BMPR2: variants seen among roughly 807,000 people sequenced by gnomAD.
BMPR2 encodes the protein bone morphogenetic protein receptor type-2.
In BMPR2, 29 loss-of-function variants were observed where a neutral mutation model predicts 100.8. That is an observed-to-expected ratio of 0.29 (90% CI 0.21 to 0.39). The LOEUF is 0.39. Ranked by LOEUF, BMPR2 falls within the 10% of genes least tolerant of loss-of-function variation. The probability of loss-of-function intolerance (pLI) is 1.00; values close to 1 mark genes in which losing one functional copy is unlikely to be tolerated. For synonymous variants in BMPR2, 382 were observed against 442.3 expected (o/e 0.86, Z 1.71); for missense variants, 1,011 against 1,274.5 (o/e 0.79, Z 3.15).
rs1406651357 is a variant in BMPR2, at chr2:202,567,460, G to C, written c.*7514G>C. On this transcript the variant is annotated 3_prime_UTR_variant, in exon 13 of 13. Transcript: ENST00000374580. Reference sequence around the variant, plus strand: ...TTTTGTATAAGCTGTCTGAAGCCTTGCTATGCTGTATAAGTTGTGTTTGAT... The same window carrying C: ...TTTTGTATAAGCTGTCTGAAGCCTTCCTATGCTGTATAAGTTGTGTTTGAT... The C allele has an allele frequency of 6.6e-6, 1 of 152,528 alleles. No homozygotes were observed. Among genetic ancestry groups the C allele is most frequent in the African/African-American group, 2.4e-5 (1 of 41,428 alleles). 9.4% of individuals were successfully genotyped at this position (152,528 alleles called of 1,614,324 possible). A position where few individuals can be genotyped will look rare whatever the true frequency, so the allele number is the denominator to read the frequency against.
chr2:202,377,463 G>A lies in BMPR2; in HGVS notation c.-12G>A, dbSNP rs376097435. The stretch of plus-strand genomic sequence containing the variant: ...CTTTTCTTTGCCCTCCTGATTCTTG[G>A]CTGGCCCAGGGATGACTTCCTCGCT... On this transcript the variant is annotated 5_prime_UTR_variant, in exon 1 of 13. Transcript: ENST00000374580. 2 of 1,614,192 alleles carry A rather than the reference G, an allele frequency of 1.2e-6. No individual in the cohort carries two copies. The highest frequency in any genetic ancestry group is 2.7e-5 in the African/African-American group (2 of 75,078).
chr2:202,495,305 T>C lies in BMPR2; in HGVS notation c.419-18414T>C, dbSNP rs1186392580. On this transcript the variant is annotated intron_variant, in intron 3 of 12. Transcript: ENST00000374580. This position sits in a 1 kb window ranked among gnomAD's most constrained non-coding sequence, Gnocchi z 4.5. ...GCAGATGGGGGAACCAGAAGGGAGATGGTTTTCTCCTGGAGTTGGGCCGCT... is the reference window on the plus strand; with the variant it reads ...GCAGATGGGGGAACCAGAAGGGAGACGGTTTTCTCCTGGAGTTGGGCCGCT... 1.3e-5 allele frequency among the ~76,000 whole-genome samples: 2 copies of C among 152,124 alleles called. No homozygotes were observed.
chr2:202,518,905 A>G lies in BMPR2; in HGVS notation c.705A>G (p.Ala235=). The change falls in exon 6 of 13, where the codon GCA becomes GCG. Residue 235 remains alanine (A), a synonymous_variant. Transcript: ENST00000374580. ...TTGCTGTAAAAGTGTTTTCCTTTGCAAACCGTCAGAATTTTATCAACGAAA... is the reference window on the plus strand; with the variant it reads ...TTGCTGTAAAAGTGTTTTCCTTTGCGAACCGTCAGAATTTTATCAACGAAA... The part of the protein sequence containing the change: ...RPVAVKVFSF[A]NRQNFINEKN... The G allele has an allele frequency of 1.2e-6, 2 of 1,614,224 alleles. No individual in the cohort carries two copies. The highest frequency in any genetic ancestry group is 2.2e-5 in the South Asian group (2 of 91,084).
At chr2:202,523,995 G>C (rs1029504174) in intron 7 of BMPR2, among the ~76,000 whole-genome samples, 7 of 152,128 alleles carry the variant, frequency 4.6e-5, no homozygotes, top group African/African-American at 1.7e-4. Flanking sequence ...GGGTACTCAT[G>C]GACATGAAGA....
chr2:202,381,047 T>C (rs1195366492), intron 1 of BMPR2, among the ~76,000 whole-genome samples: 2 of 135,368 alleles, frequency 1.5e-5, no homozygotes, highest in Non-Finnish European at 1.5e-5. Context: ...CCATCTCAGC[T>C]CACTGCAACC....
intron 3 of BMPR2, 119 bp from the exon 4 acceptor site, chr2:202,513,600 G>T: frequency 6.1e-6 from 4 of 657,568 alleles, no homozygotes; most frequent in East Asian, 2.8e-5. Context: ...TTCCTTTGAT[G>T]CAAAAACATT....
chr2:202,492,845 A>G (rs558331665), intron 3 of BMPR2, among the ~76,000 whole-genome samples: 5 of 152,150 alleles, frequency 3.3e-5, no homozygotes, highest in Non-Finnish European at 5.9e-5. Flanking sequence ...TTTTCTCCAA[A>G]TATCTATCTT....
chr2:202,433,599 G>T (rs1289549584), intron 1 of BMPR2, among the ~76,000 whole-genome samples: 1 of 150,638 alleles, frequency 6.6e-6, no homozygotes, highest in Non-Finnish European at 1.5e-5. Context: ...TTTACAAATG[G>T]ATAACTCGTT....
rs1687771100 is a variant in BMPR2, at chr2:202,518,949, C to G, written c.749C>G (p.Pro250Arg). ...AACGAAAAGAACATTTACAGAGTGC[C>G]TTTGATGGAACATGACAACATTGCC... ...FINEKNIYRV[P>R]LMEHDNIARF... is the part of the protein sequence containing the mutation. The change falls in exon 6 of 13, where the codon CCT becomes CGT. Residue 250 changes from proline to arginine, a missense_variant. This residue lies in a region of BMPR2 where 355 missense variants were observed against 455.3 expected (regional missense o/e 0.78). Coordinates refer to ENST00000374580, the MANE Select transcript of BMPR2 (RefSeq NM_001204.7). 1.2e-6 allele frequency: 2 copies of G among 1,614,042 alleles called. No individual in the cohort carries two copies. Among genetic ancestry groups the G allele is most frequent in the African/African-American group, 2.7e-5 (2 of 74,908 alleles).
At chr2:202,445,097 T>C (rs1691825468) in intron 1 of BMPR2, among the ~76,000 whole-genome samples, 1 of 150,678 alleles carries the variant, frequency 6.6e-6, no homozygotes, top group East Asian at 1.9e-4. Context: ...CTAGACATTT[T>C]TTAAAGTGTA....
chr2:202,396,679 G>C (rs1028510664), intron 1 of BMPR2, among the ~76,000 whole-genome samples: 1 of 152,204 alleles, frequency 6.6e-6, no homozygotes, highest in Non-Finnish European at 1.5e-5. Flanking sequence ...TTGGTAAAAT[G>C]TGATATACAT....
Position 202,560,064 on chromosome 2 carries a change from C to T in BMPR2, c.*118C>T, listed in dbSNP as rs144391987. Reference sequence around the variant, plus strand: ...CTGTCAGCACCCCCTCCCACCCCTGCAACAAAGACTTGCTTTAAATAGATT... The same window carrying T: ...CTGTCAGCACCCCCTCCCACCCCTGTAACAAAGACTTGCTTTAAATAGATT... On this transcript the variant is annotated 3_prime_UTR_variant, in exon 13 of 13. Coordinates refer to ENST00000374580, the MANE Select transcript of BMPR2 (RefSeq NM_001204.7). 722 of 1,256,224 alleles carry T rather than the reference C, an allele frequency of 5.7e-4. 4 individuals carry two copies. In the African/African-American group the frequency reaches 0.01, roughly 18 times the overall value. The allele number at this position is 1,256,224 out of a possible 1,614,324, so 77.8% of individuals were successfully genotyped here.
Position 202,534,891 on chromosome 2 carries a change from C to T in BMPR2, c.1276+2159C>T, listed in dbSNP as rs1430419203. On this transcript the variant is annotated intron_variant, in intron 9 of 12. Coordinates refer to ENST00000374580, the MANE Select transcript of BMPR2 (RefSeq NM_001204.7). The stretch of plus-strand genomic sequence containing the variant: ...CTCCCTCCCGGACGGGGCGGCTGGC[C>T]GGGCGGGGGGCTGACCCCCCCACCT... Among the ~76,000 whole-genome samples the T allele has an allele frequency of 2.1e-4, 31 of 145,764 alleles. No homozygotes were observed. In the East Asian group the frequency reaches 4.5e-3, roughly 21 times the overall value.
chr2:202,529,036 A>G (rs886130893), intron 7 of BMPR2, among the ~76,000 whole-genome samples: 10 of 152,192 alleles, frequency 6.6e-5, no homozygotes, highest in African/African-American at 2.4e-4. Context: ...AGATCTCCCT[A>G]TGAATTTTTT....
chr2:202,547,836 C>T (rs916432337), intron 10 of BMPR2, among the ~76,000 whole-genome samples: 2 of 149,392 alleles, frequency 1.3e-5, no homozygotes, highest in Non-Finnish European at 3.0e-5. Flanking sequence ...ATAATCCCAG[C>T]ACTTTGGGAG....
chr2:202,537,974 TAGAC>T (rs1239202566), intron 9 of BMPR2, among the ~76,000 whole-genome samples: 9 of 151,156 alleles, frequency 6.0e-5, no homozygotes, highest in Admixed American at 4.6e-4. Flanking sequence ...ATACAAAAAT[TAGAC>T]AGGTGCAGTG....
chr2:202,395,098 G>A (rs541422281), intron 1 of BMPR2, among the ~76,000 whole-genome samples: 122 of 152,018 alleles, frequency 8.0e-4, no homozygotes, highest in African/African-American at 2.8e-3. Context: ...TGGCCAGGCT[G>A]GTCTTGAACT....
chr2:202,382,672 C>G (rs183244877), intron 1 of BMPR2, among the ~76,000 whole-genome samples: 5 of 152,240 alleles, frequency 3.3e-5, no homozygotes, highest in African/African-American at 1.2e-4. Context: ...AATAACACAC[C>G]AATAACTTTT....
At chr2:202,478,438 G>A (rs945596669) in intron 3 of BMPR2, among the ~76,000 whole-genome samples, 4 of 152,176 alleles carry the variant, frequency 2.6e-5, no homozygotes, top group East Asian at 1.9e-4. Context: ...TTGACAGAAC[G>A]TTGTGACTTG....
Sources: gnomAD v4.1 joint callset for allele counts (sites outside exome capture counted in the v4.1 genomes callset) on GRCh38, gnomAD v4.1.1 for gene constraint, gnomAD v4.1.1 regional missense constraint, Gnocchi (gnomAD v3.1) non-coding constraint, MANE v1.5 for transcripts, NCBI Gene and HGNC (gene_info 2026-07-23, HGNC 2026-07-21) for gene names.